ZBTB8B: variants seen among roughly 807,000 people sequenced by gnomAD.
ZBTB8B encodes the protein zinc finger and BTB domain containing 8B, also known as zinc finger and BTB domain-containing protein 8B.
In ZBTB8B, 17 loss-of-function variants were observed where a neutral mutation model predicts 30.3. The observed-to-expected ratio is 0.56, with a 90% CI of 0.38 to 0.84. ZBTB8B has a LOEUF of 0.84. Ranked by LOEUF, ZBTB8B falls within the 40% of genes least tolerant of loss-of-function variation. The probability of loss-of-function intolerance (pLI) is 0.00; values close to 1 mark genes in which losing one functional copy is unlikely to be tolerated. For synonymous variants in ZBTB8B, 248 were observed against 255.6 expected, an observed-to-expected ratio of 0.97 and a Z score of 0.28; for missense variants, 515 against 644.9, an observed-to-expected ratio of 0.80 and a Z score of 2.18.
At position 32,493,567 on chromosome 1, in the gene ZBTB8B, C is replaced by A. The variant is rs956326058; in HGVS notation, c.*8149C>A. On this transcript the variant is annotated 3_prime_UTR_variant, in exon 4 of 4. Transcript: ENST00000609129. Reference sequence around the variant, plus strand: ...CTGAGGTCAGGAGTTAAAGACCAGCCTGGCCAACATGGTGAAACTCCGTCT... The same window carrying A: ...CTGAGGTCAGGAGTTAAAGACCAGCATGGCCAACATGGTGAAACTCCGTCT... 6 of 151,756 alleles carry A rather than the reference C, an allele frequency of 4.0e-5. No homozygotes were observed. The highest frequency in any genetic ancestry group is 1.4e-4 in the African/African-American group (6 of 41,436). 9.4% of individuals were successfully genotyped at this position (151,756 alleles called of 1,614,324 possible). A position where few individuals can be genotyped will look rare whatever the true frequency, so the allele number is the denominator to read the frequency against.
Position 32,485,407 on chromosome 1 carries a change from A to G in ZBTB8B, c.1477A>G (p.Thr493Ala). Reference sequence around the variant, plus strand: ...TCAGCCTAACTTATCAGACCGAGAGACACTTACGTAGCAATAAATTGGTGG... The same window carrying G: ...TCAGCCTAACTTATCAGACCGAGAGGCACTTACGTAGCAATAAATTGGTGG... The part of the protein sequence containing the change: ...QIQPNLSDRE[T>A]LT Residue 493 changes from threonine to alanine, a missense_variant, in exon 4 of 4, where the codon ACA (threonine) becomes GCA (alanine). Thr to Ala is a moderately conservative substitution (Grantham distance 58). Around this residue, in one of 3 missense-constraint regions of ZBTB8B, gnomAD observed 429 missense variants for 504.3 expected, o/e 0.85. Transcript: ENST00000609129. The G allele has an allele frequency of 6.5e-7, 1 of 1,549,924 alleles. No homozygotes were observed.
intron 3 of ZBTB8B, among the ~76,000 whole-genome samples, chr1:32,482,866 C>T (rs1362485702): frequency 2.6e-5 from 4 of 151,344 alleles, no homozygotes; most frequent in Non-Finnish European, 5.9e-5. Flanking sequence ...GACAAATGGC[C>T]AATAAGCACA....
intron 2 of ZBTB8B, among the ~76,000 whole-genome samples, chr1:32,473,449 GAA>G (rs1228070110): frequency 6.6e-6 from 1 of 151,628 alleles, no homozygotes; most frequent in African/African-American, 2.4e-5. Context: ...TCTCTGAAGT[GAA>G]AGTCTTTTAA....
intron 2 of ZBTB8B, among the ~76,000 whole-genome samples, chr1:32,472,164 A>G (rs930713020): frequency 3.3e-5 from 5 of 152,198 alleles, no homozygotes; most frequent in African/African-American, 1.2e-4. Context: ...TTAATTGAGC[A>G]CCTGCTATAT....
intron 2 of ZBTB8B, among the ~76,000 whole-genome samples, chr1:32,478,111 T>G (rs929216457): frequency 6.6e-6 from 1 of 152,006 alleles, no homozygotes; most frequent in East Asian, 1.9e-4. Context: ...TCCCAGCTAC[T>G]TGGGGAGCTG....
intron 3 of ZBTB8B, 80 bp from the exon 4 acceptor site, chr1:32,485,020 AG>A: frequency 7.4e-7 from 1 of 1,353,328 alleles, no homozygotes; most frequent in Non-Finnish European, 1.0e-6. Flanking sequence ...AGGATCAGGC[AG>A]GGGCCAGATC....
In ZBTB8B at chr1:32,467,844, G is replaced by A. The variant is rs572277238; in HGVS notation, c.-42+2739G>A. ...ACCCAACTCAGAGGCCAGGTGTGGT[G>A]TCTCACACCTGTAACCCCAGCACTT... On this transcript the variant is annotated intron_variant, in intron 1 of 3. Coordinates refer to ENST00000609129, the MANE Select transcript of ZBTB8B (RefSeq NM_001145720.2). Among the ~76,000 whole-genome samples the A allele has an allele frequency of 2.6e-5, 4 of 151,904 alleles. No individual in the cohort carries two copies. In the East Asian group the frequency reaches 7.8e-4, roughly 30 times the overall value.
rs1288007764 is a variant in ZBTB8B at position 32,486,229 on chromosome 1, G to A, written c.*811G>A. ...TTTCCAGCAATTTCCAAAAGCTGGA[G>A]CTGTGTAACTTGGAAATGTAGCTGC... On this transcript the variant is annotated 3_prime_UTR_variant, in exon 4 of 4. Coordinates refer to ENST00000609129, the MANE Select transcript of ZBTB8B (RefSeq NM_001145720.2). The A allele has an allele frequency of 6.6e-6, 1 of 152,254 alleles. No individual in the cohort carries two copies. The highest frequency in any genetic ancestry group is 1.9e-4 in the East Asian group (1 of 5,202). The allele number at this position is 152,254 out of a possible 1,614,324, so 9.4% of individuals were successfully genotyped here. A position where few individuals can be genotyped will look rare whatever the true frequency, so the allele number is the denominator to read the frequency against.
intron 2 of ZBTB8B, among the ~76,000 whole-genome samples, chr1:32,472,269 C>T (rs1643630314): frequency 6.6e-6 from 1 of 152,234 alleles, no homozygotes; most frequent in South Asian, 2.1e-4. Flanking sequence ...GAGGAACCCA[C>T]TCTCTTCCAC....
At position 32,485,316 on chromosome 1, in the gene ZBTB8B, A is replaced by C; in HGVS notation, c.1386A>C (p.Pro462=). The C allele has an allele frequency of 1.3e-6, 2 of 1,552,312 alleles. No homozygotes were observed. The highest frequency in any genetic ancestry group is 1.7e-6 in the Non-Finnish European group (2 of 1,147,122). ...QEKSDTDNDW[P]IYVESGEEND... Reference sequence around the variant, plus strand: ...AGAGCGACACAGACAATGACTGGCCAATCTATGTGGAGTCGGGTGAGGAAA... The same window carrying C: ...AGAGCGACACAGACAATGACTGGCCCATCTATGTGGAGTCGGGTGAGGAAA... Residue 462 remains proline, a synonymous_variant, in exon 4 of 4, where the codon CCA becomes CCC. Transcript: ENST00000609129.
rs1337327144 is a variant in ZBTB8B at position 32,491,640 on chromosome 1, G to C, written c.*6222G>C. On this transcript the variant is annotated 3_prime_UTR_variant, in exon 4 of 4. Coordinates refer to ENST00000609129, the MANE Select transcript of ZBTB8B (RefSeq NM_001145720.2). ...ACAGGAACAAGTATCTCTTATAACA[G>C]CTTCATAGACATGGCCTCCAGTGTC... 1 of 152,214 alleles carries C rather than the reference G, an allele frequency of 6.6e-6. No homozygotes were observed. Among genetic ancestry groups the C allele is most frequent in the African/African-American group, 2.4e-5 (1 of 41,434 alleles). 9.4% of individuals were successfully genotyped at this position (152,214 alleles called of 1,614,324 possible). A position where few individuals can be genotyped will look rare whatever the true frequency, so the allele number is the denominator to read the frequency against.
intron 2 of ZBTB8B, among the ~76,000 whole-genome samples, chr1:32,478,894 A>T (rs1643683380): frequency 1.3e-5 from 2 of 152,222 alleles, no homozygotes; most frequent in Admixed American, 1.3e-4. Context: ...TGGTAAAAAA[A>T]ATTCTGAAGA....
chr1:32,474,710 T>A (rs1454419592), intron 2 of ZBTB8B, among the ~76,000 whole-genome samples: 2 of 152,202 alleles, frequency 1.3e-5, no homozygotes, highest in Admixed American at 1.3e-4. Context: ...GATCACCCTT[T>A]CACATCCACA....
chr1:32,469,136 T>C (rs1643596404), intron 1 of ZBTB8B, among the ~76,000 whole-genome samples: 1 of 151,686 alleles, frequency 6.6e-6, no homozygotes, highest in Non-Finnish European at 1.5e-5. Flanking sequence ...TTTGAAGGTG[T>C]AGTGAGCTAT....
chr1:32,481,009 C>T lies in ZBTB8B; in HGVS notation c.1110C>T (p.Pro370=), dbSNP rs934602906. The part of the protein sequence containing the change: ...IRSHTGERPY[P]CETCGKRFTR... ...CACACACAGGCGAGCGGCCCTACCC[C>T]TGTGAGACCTGCGGCAAGAGGTTCA... Residue 370 remains proline (P), a synonymous_variant, in exon 3 of 4, where the codon CCC becomes CCT. Coordinates refer to ENST00000609129, the MANE Select transcript of ZBTB8B (RefSeq NM_001145720.2). 8 of 1,552,224 alleles carry T rather than the reference C, an allele frequency of 5.2e-6. No homozygotes were observed. The African/African-American group carries it at 5.5e-5, about 11-fold the overall frequency.
At position 32,490,094 on chromosome 1, in the gene ZBTB8B, A is replaced by C. The variant is rs1643769572; in HGVS notation, c.*4676A>C. ...ACTGATTCTGGGAGCCGTAGGAAAG[A>C]GTGGAGTGGCCTTTGGTTAACTGAA... is the stretch of plus-strand genomic sequence containing the variant. On this transcript the variant is annotated 3_prime_UTR_variant, in exon 4 of 4. Coordinates refer to ENST00000609129, the MANE Select transcript of ZBTB8B (RefSeq NM_001145720.2). 6.6e-6 allele frequency: 1 copy of C among 152,184 alleles called. No homozygotes were observed. Among genetic ancestry groups the C allele is most frequent in the South Asian group, 2.1e-4 (1 of 4,830 alleles). 9.4% of individuals were successfully genotyped at this position (152,184 alleles called of 1,614,324 possible). A position where few individuals can be genotyped will look rare whatever the true frequency, so the allele number is the denominator to read the frequency against.
rs930297806 is a variant in ZBTB8B at position 32,486,647 on chromosome 1, A to G, written c.*1229A>G. On this transcript the variant is annotated 3_prime_UTR_variant, in exon 4 of 4. Transcript: ENST00000609129. ...TGTTGCCATGGCAATGGTAATTGACATGGCACAGTGATAAGTGTTTCTTAT... is the reference window on the plus strand; with the variant it reads ...TGTTGCCATGGCAATGGTAATTGACGTGGCACAGTGATAAGTGTTTCTTAT... 1 of 152,198 alleles carries G rather than the reference A, an allele frequency of 6.6e-6. No homozygotes were observed. The highest frequency in any genetic ancestry group is 1.5e-5 in the Non-Finnish European group (1 of 68,042). The allele number at this position is 152,198 out of a possible 1,614,324, so 9.4% of individuals were successfully genotyped here. A position where few individuals can be genotyped will look rare whatever the true frequency, so the allele number is the denominator to read the frequency against.
chr1:32,480,296 G>A (rs1160045241), intron 2 of ZBTB8B, among the ~76,000 whole-genome samples: 1 of 151,700 alleles, frequency 6.6e-6, no homozygotes. Context: ...GGAATGGTGG[G>A]GGGTATGCAG....
chr1:32,487,668 C>T lies in ZBTB8B; in HGVS notation c.*2250C>T, dbSNP rs946017601. 2.6e-5 allele frequency: 4 copies of T among 151,680 alleles called. No individual in the cohort carries two copies. The highest frequency in any genetic ancestry group is 9.7e-5 in the African/African-American group (4 of 41,244). The allele number at this position is 151,680 out of a possible 1,614,324, so 9.4% of individuals were successfully genotyped here. A position where few individuals can be genotyped will look rare whatever the true frequency, so the allele number is the denominator to read the frequency against. On this transcript the variant is annotated 3_prime_UTR_variant, in exon 4 of 4. Transcript: ENST00000609129. ...ACCAGCCTGACCAACATGGCGAAAC[C>T]CCGTCTCTAGCAAAAATACAAAAAT...
Sources: gnomAD v4.1 joint callset for allele counts (sites outside exome capture counted in the v4.1 genomes callset) on GRCh38, gnomAD v4.1.1 for gene constraint, gnomAD v4.1.1 regional missense constraint, MANE v1.5 for transcripts, NCBI Gene and HGNC (gene_info 2026-07-23, HGNC 2026-07-21) for gene names.